Variants in ABCC1 observed in about 807,000 individuals in gnomAD.
ABCC1 encodes the protein multidrug resistance-associated protein 1.
A neutral mutation model predicts 172.9 loss-of-function variants in ABCC1; 83 were observed. The ratio of observed to expected loss-of-function variants is 0.48; its 90% CI spans 0.40 to 0.58. The LOEUF is 0.58. Among genes scored for constraint, ABCC1 ranks in the 20% least tolerant of loss-of-function variants. ABCC1 has a pLI of 0.00. For synonymous variants in ABCC1, 937 were observed against 825.2 expected (o/e 1.14, Z -2.32); for missense variants, 1,817 against 2,002.7 (o/e 0.91, Z 1.77).
chr16:16,031,932 GCTGTGGGA>G (rs2048573427), intron 5 of ABCC1, among the ~76,000 whole-genome samples: 1 of 126,178 alleles, frequency 7.9e-6, no homozygotes, highest in Admixed American at 8.4e-5. Context: ...ACCGCTTTTA[GCTGTGGGA>G]CCTTGAACAA....
chr16:16,006,859 C>T (rs1047011483), intron 1 of ABCC1, among the ~76,000 whole-genome samples: 1,675 of 146,124 alleles, frequency 0.011, 39 homozygotes, highest in African/African-American at 0.04. Flanking sequence ...GTGGCGGTGG[C>T]GGTGGCGGTG....
intron 7 of ABCC1, among the ~76,000 whole-genome samples, chr16:16,037,729 G>C (rs1018353561): frequency 2.0e-5 from 3 of 152,130 alleles, no homozygotes; most frequent in Non-Finnish European, 2.9e-5. Flanking sequence ...CCCCAGACCG[G>C]GGTTCTGTTC....
At chr16:16,015,859 C>T (rs965671877) in intron 4 of ABCC1, among the ~76,000 whole-genome samples, 13 of 152,120 alleles carry the variant, frequency 8.5e-5, no homozygotes, top group African/African-American at 3.1e-4. Context: ...CAGAATCACC[C>T]CTGGTTAAGA....
chr16:16,019,070 A>G (rs370484801), intron 5 of ABCC1, among the ~76,000 whole-genome samples: 1 of 151,656 alleles, frequency 6.6e-6, no homozygotes, highest in Non-Finnish European at 1.5e-5. Context: ...ATGTTGGGCT[A>G]TTCTTTTTTG....
In ABCC1 at chr16:16,122,212, C is replaced by T. The variant is rs746302176; in HGVS notation, c.3590+38C>T. 8 of 1,606,990 alleles carry T rather than the reference C, an allele frequency of 5.0e-6. No homozygotes were observed. The Admixed American group carries it at 6.7e-5, about 13-fold the overall frequency. ...GGCCTGCAGGAGCGGGTGGAGGAGG[C>T]CGCCTTAGCACCTTGTCTCTTTGCC... is the stretch of plus-strand genomic sequence containing the variant. On this transcript the variant is annotated intron_variant, in intron 24 of 30. Transcript: ENST00000399410.
chr16:16,058,004 C>G (rs1374842392), intron 12 of ABCC1, among the ~76,000 whole-genome samples: 1 of 152,042 alleles, frequency 6.6e-6, no homozygotes, highest in East Asian at 1.9e-4. Flanking sequence ...CTGGAATTAC[C>G]CTTTCTCCCA....
intron 3 of ABCC1, among the ~76,000 whole-genome samples, chr16:16,011,427 A>T (rs756913465): frequency 7.2e-5 from 11 of 152,212 alleles, no homozygotes; most frequent in African/African-American, 2.6e-4. Context: ...AGGAAAGACA[A>T]CGTGGAGCCA....
At chr16:15,976,872 C>T (rs1027208326) in intron 1 of ABCC1, among the ~76,000 whole-genome samples, 4 of 152,138 alleles carry the variant, frequency 2.6e-5, no homozygotes, top group African/African-American at 9.7e-5. Flanking sequence ...GGGTGGCTTC[C>T]CCCAGGCCAC....
chr16:16,033,228 T>TGAACGAATGAAC, intron 6 of ABCC1, 58 bp downstream of exon 6: 1 of 1,475,814 alleles, frequency 6.8e-7, no homozygotes, highest in Non-Finnish European at 9.5e-7. Flanking sequence ...AATGAATGAA[T>TGAACGAATGAAC]GAACGAATGA....
intron 10 of ABCC1, among the ~76,000 whole-genome samples, chr16:16,051,128 C>A (rs1213362565): frequency 6.6e-6 from 1 of 150,952 alleles, no homozygotes; most frequent in East Asian, 1.9e-4. Context: ...CCAGACAGTT[C>A]TTTGTTGTGG....
intron 26 of ABCC1, among the ~76,000 whole-genome samples, chr16:16,130,888 A>G (rs912581286): frequency 3.9e-5 from 6 of 152,110 alleles, no homozygotes; most frequent in Non-Finnish European, 5.9e-5. Flanking sequence ...TTTGGGAGGT[A>G]GAGGTGGGTG....
At chr16:16,045,129 C>T (rs564381040) in intron 8 of ABCC1, among the ~76,000 whole-genome samples, 2 of 152,094 alleles carry the variant, frequency 1.3e-5, no homozygotes, top group African/African-American at 4.8e-5. Context: ...GGGTTGGGCG[C>T]AGTGGCTCAT....
At chr16:16,014,761 C>G in intron 4 of ABCC1, 133 bp downstream of exon 4, 3 of 1,052,250 alleles carry the variant, frequency 2.9e-6, no homozygotes, top group Non-Finnish European at 4.1e-6. Context: ...CCTAGCTTCT[C>G]CCTTGGTGAC....
At chr16:16,006,859 C>CGGTGGT (rs1567305897) in intron 1 of ABCC1, among the ~76,000 whole-genome samples, 2 of 146,002 alleles carry the variant, frequency 1.4e-5, no homozygotes, top group East Asian at 2.1e-4. Flanking sequence ...GTGGCGGTGG[C>CGGTGGT]GGTGGCGGTG....
At chr16:16,110,241 G>A (rs1393395456) in intron 21 of ABCC1, among the ~76,000 whole-genome samples, 3 of 151,778 alleles carry the variant, frequency 2.0e-5, no homozygotes, top group Non-Finnish European at 4.4e-5. Context: ...GTGCCCCCAC[G>A]CCTGACTAAT....
At chr16:15,976,257 A>G (rs2046489424) in intron 1 of ABCC1, among the ~76,000 whole-genome samples, 1 of 152,094 alleles carries the variant, frequency 6.6e-6, no homozygotes, top group African/African-American at 2.4e-5. Flanking sequence ...GCAAGAGCAA[A>G]ACTCTGTCTC....
chr16:16,016,384 C>T (rs1390879767), intron 4 of ABCC1, 112 bp from the exon 5 acceptor site: 6 of 1,344,678 alleles, frequency 4.5e-6, no homozygotes, highest in Admixed American at 1.8e-5. Flanking sequence ...CAACTCTTGA[C>T]CTCAGGTGTT....
In ABCC1 at chr16:16,121,274, C is replaced by A. The variant is rs567642261; in HGVS notation, c.3391-701C>A. ...CCTGGGCTGGTCTCAGACTCCTGGC[C>A]TCAAGTGATCTCCCGCCTCTGCCTC... On this transcript the variant is annotated intron_variant, in intron 23 of 30. Coordinates refer to ENST00000399410, the MANE Select transcript of ABCC1 (RefSeq NM_004996.4). 1.1e-4 allele frequency among the ~76,000 whole-genome samples: 16 copies of A among 152,254 alleles called. No individual in the cohort carries two copies. The South Asian group carries it at 2.5e-3, about 24-fold the overall frequency.
chr16:15,991,017 G>A (rs1275809424), intron 1 of ABCC1, among the ~76,000 whole-genome samples: 2 of 152,038 alleles, frequency 1.3e-5, no homozygotes, highest in African/African-American at 4.8e-5. Context: ...TATAGATCAT[G>A]TTTTCTTTGT....
Sources: gnomAD v4.1 joint callset for allele counts (sites outside exome capture counted in the v4.1 genomes callset) on GRCh38, gnomAD v4.1.1 for gene constraint, MANE v1.5 for transcripts, NCBI Gene and HGNC (gene_info 2026-07-23, HGNC 2026-07-21) for gene names.